Variants in ARMH3 observed in about 807,000 individuals in gnomAD.
ARMH3 encodes armadillo like helical domain containing 3, also known as armadillo-like helical domain-containing protein 3.
A neutral mutation model predicts 99.1 loss-of-function variants in ARMH3; 60 were observed. The ratio of observed to expected loss-of-function variants is 0.61; its 90% CI spans 0.49 to 0.75. The LOEUF is 0.75. Among genes scored for constraint, ARMH3 ranks in the 30% least tolerant of loss-of-function variants. The probability of loss-of-function intolerance (pLI) is 0.00; values close to 1 mark genes in which losing one functional copy is unlikely to be tolerated. For synonymous variants in ARMH3, 285 were observed against 292.8 expected, an observed-to-expected ratio of 0.97 and a Z score of 0.27; for missense variants, 679 against 843.1, an observed-to-expected ratio of 0.81 and a Z score of 2.41.
intron 8 of ARMH3, among the ~76,000 whole-genome samples, chr10:102,018,568 TATAAC>T (rs2066803404): frequency 6.6e-6 from 1 of 152,194 alleles, no homozygotes; most frequent in African/African-American, 2.4e-5. Flanking sequence ...TTTTAGCCAT[TATAAC>T]ATAGTGCAAC....
At chr10:102,021,531 T>C (rs2066884785) in intron 8 of ARMH3, among the ~76,000 whole-genome samples, 1 of 151,716 alleles carries the variant, frequency 6.6e-6, no homozygotes, top group African/African-American at 2.4e-5. Context: ...TACAGATGCA[T>C]ATCACCACAA....
chr10:101,926,428 G>T (rs1025687417), intron 23 of ARMH3, among the ~76,000 whole-genome samples: 8 of 152,090 alleles, frequency 5.3e-5, no homozygotes, highest in Non-Finnish European at 8.8e-5. Context: ...AAAGCGCTGG[G>T]ATTACAAGTG....
chr10:101,887,482 C>T (rs1397794769), intron 24 of ARMH3, among the ~76,000 whole-genome samples: 2 of 151,932 alleles, frequency 1.3e-5, no homozygotes, highest in African/African-American at 4.8e-5. Context: ...CAGCTTACTG[C>T]AGCTTCAACC....
At chr10:101,881,000 G>A (rs552658216) in intron 24 of ARMH3, among the ~76,000 whole-genome samples, 52 of 152,330 alleles carry the variant, frequency 3.4e-4, no homozygotes, top group Non-Finnish European at 6.0e-4. Context: ...CCAATAGATG[G>A]AAATAAGAAA....
intron 24 of ARMH3, among the ~76,000 whole-genome samples, chr10:101,880,096 G>C (rs187419069): frequency 6.6e-6 from 1 of 152,230 alleles, no homozygotes; most frequent in Admixed American, 6.5e-5. Flanking sequence ...GCTCACACTC[G>C]AGAATTCGCA....
At chr10:101,941,490 T>C (rs1242427453) in intron 22 of ARMH3, among the ~76,000 whole-genome samples, 2 of 152,180 alleles carry the variant, frequency 1.3e-5, no homozygotes, top group Non-Finnish European at 2.9e-5. Flanking sequence ...TGACCAAGAT[T>C]CTGAAGAGCT....
At chr10:101,872,212 ATATT>A (rs2067145784) in intron 24 of ARMH3, among the ~76,000 whole-genome samples, 1 of 151,740 alleles carries the variant, frequency 6.6e-6, no homozygotes, top group Admixed American at 6.6e-5. Context: ...CTTGGAGAAA[ATATT>A]TAGAGAGTGT....
At chr10:102,014,511 A>G (rs2066700616) in intron 8 of ARMH3, among the ~76,000 whole-genome samples, 1 of 152,190 alleles carries the variant, frequency 6.6e-6, no homozygotes. Flanking sequence ...CACAAACTAC[A>G]TGCAAGGACT....
intron 24 of ARMH3, among the ~76,000 whole-genome samples, chr10:101,854,645 G>A (rs570765125): frequency 4.3e-4 from 65 of 152,290 alleles, no homozygotes; most frequent in African/African-American, 1.4e-3. Flanking sequence ...TGCCCCTGAA[G>A]CCTCTGGAGG....
In ARMH3 at chr10:101,995,189, A is replaced by C; in HGVS notation, c.1209+108T>G. On this transcript the variant is annotated intron_variant, in intron 16 of 25. Coordinates refer to ENST00000370033, the MANE Select transcript of ARMH3 (RefSeq NM_024541.3). ...ACAAAGGGGGAAGATTTTCTCTCCT[A>C]AACTTTAGGACCCTAAATGTCATGA... The C allele has an allele frequency of 3.2e-6, 3 of 951,010 alleles. No individual in the cohort carries two copies. In the South Asian group the frequency reaches 4.5e-5, roughly 14 times the overall value. 58.9% of individuals were successfully genotyped at this position (951,010 alleles called of 1,614,324 possible).
intron 23 of ARMH3, among the ~76,000 whole-genome samples, chr10:101,936,099 A>T (rs1343038891): frequency 6.6e-6 from 1 of 152,202 alleles, no homozygotes; most frequent in Non-Finnish European, 1.5e-5. Flanking sequence ...GACTGAGAAA[A>T]GAAAACTCCC....
intron 24 of ARMH3, among the ~76,000 whole-genome samples, chr10:101,864,112 C>T (rs991048780): frequency 1.1e-4 from 15 of 141,442 alleles, no homozygotes; most frequent in Non-Finnish European, 2.3e-4. Context: ...CACACAAAAA[C>T]CAGACAATTC....
chr10:101,952,904 A>G (rs1023102521), intron 22 of ARMH3, among the ~76,000 whole-genome samples: 2 of 152,228 alleles, frequency 1.3e-5, no homozygotes, highest in Non-Finnish European at 2.9e-5. Flanking sequence ...GATACCTCAT[A>G]TAAGTACTAC....
At chr10:101,918,656 A>G (rs1226454131) in intron 23 of ARMH3, among the ~76,000 whole-genome samples, 7 of 152,244 alleles carry the variant, frequency 4.6e-5, no homozygotes, top group Non-Finnish European at 1.0e-4. Context: ...ATCACCATGA[A>G]GAGCAATCGA....
chr10:102,021,750 G>T (rs1255408071), intron 8 of ARMH3, among the ~76,000 whole-genome samples: 1 of 151,904 alleles, frequency 6.6e-6, no homozygotes, highest in Non-Finnish European at 1.5e-5. Flanking sequence ...GTTTCACTGT[G>T]TTAGCCAGGA....
In ARMH3 at chr10:101,903,227, C is replaced by T. The variant is rs546745171; in HGVS notation, c.1782-13737G>A. Among the ~76,000 whole-genome samples, 6 of 152,302 alleles carry T rather than the reference C, an allele frequency of 3.9e-5. No homozygotes were observed. In the South Asian group the frequency reaches 1.2e-3, roughly 32 times the overall value. On this transcript the variant is annotated intron_variant, in intron 23 of 25. Coordinates refer to ENST00000370033, the MANE Select transcript of ARMH3 (RefSeq NM_024541.3). The stretch of plus-strand genomic sequence containing the variant: ...TCATATAGTCAAGGAATCTCTGTCC[C>T]TAGAAGGAAGTTCTACAGTATCTGA...
chr10:102,016,590 A>G (rs1273521297), intron 8 of ARMH3, among the ~76,000 whole-genome samples: 1 of 152,206 alleles, frequency 6.6e-6, no homozygotes, highest in East Asian at 1.9e-4. Context: ...TTTCTGAGAA[A>G]TGTCATGCTC....
intron 20 of ARMH3, 74 bp from the exon 21 acceptor site, chr10:101,957,806 G>C: frequency 6.7e-7 from 1 of 1,486,774 alleles, no homozygotes; most frequent in Non-Finnish European, 8.9e-7. Context: ...AAACAGACTA[G>C]CTCTAAAAAA....
intron 20 of ARMH3, among the ~76,000 whole-genome samples, chr10:101,973,976 T>C (rs980527295): frequency 1.3e-5 from 2 of 152,214 alleles, no homozygotes; most frequent in Non-Finnish European, 2.9e-5. Context: ...ATAATAGTCC[T>C]TTATATTAAA....
Sources: gnomAD v4.1 joint callset for allele counts (sites outside exome capture counted in the v4.1 genomes callset) on GRCh38, gnomAD v4.1.1 for gene constraint, MANE v1.5 for transcripts, NCBI Gene and HGNC (gene_info 2026-07-23, HGNC 2026-07-21) for gene names.